COG5: variants seen among roughly 807,000 people sequenced by gnomAD.
COG5 encodes component of oligomeric golgi complex 5.
A neutral mutation model predicts 110.4 loss-of-function variants in COG5; 86 were observed. The observed-to-expected ratio is 0.78, with a 90% CI of 0.65 to 0.93. The LOEUF (loss-of-function observed/expected upper bound fraction) is 0.93. COG5 is among the 40% of genes least tolerant of loss of function. The pLI, the probability that COG5 is intolerant of heterozygous loss-of-function variation, is 0.00. For missense variants in COG5, 1,077 were observed against 987.0 expected (o/e 1.09, Z -1.22); for synonymous variants, 360 against 334.6 (o/e 1.08, Z -0.83).
In COG5 at chr7:107,203,435, A is replaced by G; in HGVS notation, c.*81T>C. 1.1e-6 allele frequency: 1 copy of G among 876,560 alleles called. No individual in the cohort carries two copies. 54.3% of individuals were successfully genotyped at this position (876,560 alleles called of 1,614,324 possible). ...TTACATTCTTAAAATAGTAGATAGT[A>G]GCAGTCTTTTGGAGTATGTGTTTAA... On this transcript the variant is annotated 3_prime_UTR_variant, in exon 22 of 22. Transcript: ENST00000297135.
At position 107,375,849 on chromosome 7, in the gene COG5, CG is replaced by C. The variant is rs1814596084; in HGVS notation, c.670-3090del. On this transcript the variant is annotated intron_variant, in intron 7 of 21. Coordinates refer to ENST00000297135, the MANE Select transcript of COG5 (RefSeq NM_006348.5). The stretch of plus-strand genomic sequence containing the variant: ...CCCATTTTATTAATCTTACTCTCTA[CG>C]GTTTAGTACTTTTGGTATTGTTTGA... 9.9e-5 allele frequency among the ~76,000 whole-genome samples: 15 copies of C among 152,016 alleles called. No individual in the cohort carries two copies. The South Asian group carries it at 3.1e-3, about 32-fold the overall frequency.
chr7:107,247,299 T>C (rs1003568919), intron 17 of COG5, among the ~76,000 whole-genome samples: 3 of 152,082 alleles, frequency 2.0e-5, no homozygotes, highest in African/African-American at 7.2e-5. Context: ...GATGAAATAA[T>C]ATGTACAACA....
intron 7 of COG5, among the ~76,000 whole-genome samples, chr7:107,403,436 T>C (rs1202396019): frequency 2.0e-5 from 3 of 151,720 alleles, no homozygotes; most frequent in Non-Finnish European, 4.4e-5. Flanking sequence ...ATGTGTAGAA[T>C]GTGCTGGTTT....
At chr7:107,368,594 A>G (rs746404652) in intron 8 of COG5, among the ~76,000 whole-genome samples, 3 of 152,188 alleles carry the variant, frequency 2.0e-5, no homozygotes, top group Non-Finnish European at 2.9e-5. Flanking sequence ...GGTATTTTTA[A>G]AAAGCATGTA....
chr7:107,544,664 G>A (rs1802287088), intron 5 of COG5, among the ~76,000 whole-genome samples: 1 of 152,176 alleles, frequency 6.6e-6, no homozygotes, highest in African/African-American at 2.4e-5. Context: ...GAAGAACTTT[G>A]CCAGCCAAAG....
intron 21 of COG5, among the ~76,000 whole-genome samples, chr7:107,206,131 T>C (rs1487719083): frequency 1.3e-5 from 2 of 152,110 alleles, no homozygotes; most frequent in Non-Finnish European, 2.9e-5. Context: ...CGGCTAATTT[T>C]TTTGTATTTT....
intron 7 of COG5, among the ~76,000 whole-genome samples, chr7:107,398,713 T>C (rs899504796): frequency 5.3e-5 from 8 of 152,226 alleles, no homozygotes; most frequent in Non-Finnish European, 1.0e-4. Context: ...CAAGATTACC[T>C]GTCATATGAC....
chr7:107,434,612 T>A (rs1283485425), intron 6 of COG5, among the ~76,000 whole-genome samples: 3 of 151,864 alleles, frequency 2.0e-5, no homozygotes, highest in African/African-American at 4.8e-5. Flanking sequence ...GATAAAATTT[T>A]AAAAAAAGAT....
At chr7:107,389,354 A>G (rs1790449494) in intron 7 of COG5, among the ~76,000 whole-genome samples, 1 of 152,186 alleles carries the variant, frequency 6.6e-6, no homozygotes. Context: ...GGTGCCAGAT[A>G]ACACTACATA....
intron 5 of COG5, among the ~76,000 whole-genome samples, chr7:107,542,375 C>T (rs1436593794): frequency 2.0e-5 from 3 of 152,160 alleles, no homozygotes; most frequent in South Asian, 4.1e-4. Flanking sequence ...TTTGACAACA[C>T]TAAGTGTTGA....
chr7:107,479,082 T>A (rs1439602593), intron 6 of COG5, among the ~76,000 whole-genome samples: 1 of 152,026 alleles, frequency 6.6e-6, no homozygotes, highest in Non-Finnish European at 1.5e-5. Flanking sequence ...TATTAAAAAG[T>A]ATGGCATTAC....
intron 6 of COG5, among the ~76,000 whole-genome samples, chr7:107,415,819 T>TAC (rs1452970097): frequency 1.2e-5 from 1 of 82,990 alleles, no homozygotes; most frequent in African/African-American, 3.3e-5. Flanking sequence ...TATACACACA[T>TAC]ACACGTATGT....
At chr7:107,400,437 CAA>C (rs1485878777) in intron 7 of COG5, among the ~76,000 whole-genome samples, 3 of 152,152 alleles carry the variant, frequency 2.0e-5, no homozygotes, top group African/African-American at 4.8e-5. Context: ...CACTCCAGCA[CAA>C]GAGTGTTTAA....
chr7:107,473,440 C>T (rs1017551167), intron 6 of COG5, among the ~76,000 whole-genome samples: 3 of 151,900 alleles, frequency 2.0e-5, no homozygotes, highest in Non-Finnish European at 4.4e-5. Context: ...AATCACTGGC[C>T]TATTTCTGTG....
rs578244737 is a variant in COG5, at chr7:107,281,482, A to G, written c.1476-83T>C. The G allele has an allele frequency of 5.9e-4, 571 of 967,652 alleles. 7 individuals carry two copies. The South Asian group carries it at 7.3e-3, about 12-fold the overall frequency. The allele number at this position is 967,652 out of a possible 1,614,324, so 59.9% of individuals were successfully genotyped here. A position where few individuals can be genotyped will look rare whatever the true frequency, so the allele number is the denominator to read the frequency against. ...AGAGCAAGATAAAAACTCAAACCCAATAAGCAATGTGGTTATTCTTTTTAT... is the reference window on the plus strand; with the variant it reads ...AGAGCAAGATAAAAACTCAAACCCAGTAAGCAATGTGGTTATTCTTTTTAT... On this transcript the variant is annotated intron_variant, in intron 13 of 21. Transcript: ENST00000297135.
chr7:107,406,332 T>G (rs1016759687), intron 7 of COG5, among the ~76,000 whole-genome samples: 2 of 152,214 alleles, frequency 1.3e-5, no homozygotes, highest in African/African-American at 4.8e-5. Flanking sequence ...TATACTTTTG[T>G]CTTTTTAATC....
intron 21 of COG5, among the ~76,000 whole-genome samples, chr7:107,206,751 A>T (rs1186447432): frequency 6.6e-6 from 1 of 152,252 alleles, no homozygotes; most frequent in Admixed American, 6.5e-5. Context: ...ATCAGAAATG[A>T]GTTTGGTTAG....
intron 6 of COG5, among the ~76,000 whole-genome samples, chr7:107,420,547 G>A (rs922997712): frequency 1.3e-5 from 2 of 152,106 alleles, no homozygotes; most frequent in Non-Finnish European, 2.9e-5. Flanking sequence ...TGCAACCTCC[G>A]CCTTCCAGGT....
At position 107,283,720 on chromosome 7, in the gene COG5, A is replaced by C. The variant is rs372046684; in HGVS notation, c.1326T>G (p.Ala442=). The C allele has an allele frequency of 6.2e-7, 1 of 1,613,890 alleles. No homozygotes were observed. The highest frequency in any genetic ancestry group is 8.5e-7 in the Non-Finnish European group (1 of 1,179,914). ...CATAGGGTTGTAGTGAGTCTTTCAA[A>C]GCCTTTTCTGGACTGTGGAAACAAA... ...PKKPDYDPEK[A]LKDSLQPYEA... Residue 442 remains alanine (A), a synonymous_variant, in exon 13 of 22, where the codon GCT becomes GCG. Coordinates refer to ENST00000297135, the MANE Select transcript of COG5 (RefSeq NM_006348.5).
Sources: allele counts gnomAD v4.1 joint callset (sites outside exome capture counted in the v4.1 genomes callset), GRCh38; gene constraint gnomAD v4.1.1; transcripts MANE v1.5; gene names NCBI Gene and HGNC (gene_info 2026-07-23, HGNC 2026-07-21).